Variants in TENM2 observed in about 807,000 individuals in gnomAD.
TENM2 encodes teneurin transmembrane protein 2.
TENM2 carries 52 observed loss-of-function variants against 245.2 expected under a neutral mutation model. That is an observed-to-expected ratio of 0.21 (90% CI 0.17 to 0.27). The LOEUF (loss-of-function observed/expected upper bound fraction) is 0.27, where lower values mean the gene tolerates loss of function less well. Ranked by LOEUF, TENM2 falls within the 10% of genes least tolerant of loss-of-function variation. TENM2 has a pLI of 1.00. For missense variants in TENM2, 3,046 were observed against 3,666.8 expected, an observed-to-expected ratio of 0.83 and a Z score of 4.37; for synonymous variants, 1,363 against 1,438.9, an observed-to-expected ratio of 0.95 and a Z score of 1.19.
intron 2 of TENM2, among the ~76,000 whole-genome samples, chr5:167,696,641 A>T (rs1561681423): frequency 6.6e-6 from 1 of 152,244 alleles, no homozygotes. Context: ...ATTATGAGGC[A>T]TTCTTTGAAA....
intron 21 of TENM2, among the ~76,000 whole-genome samples, chr5:168,215,650 C>T (rs1763126427): frequency 6.6e-6 from 1 of 152,230 alleles, no homozygotes; most frequent in African/African-American, 2.4e-5. Flanking sequence ...GCCTGGGCAA[C>T]AGAGCGAGAC....
chr5:168,218,272 A>T lies in TENM2; in HGVS notation c.4381A>T (p.Ile1461Phe), dbSNP rs775691530. ...CCCCATGCACTGCCAAGTTCCTGGC[A>T]TTGACTACTCACTCAGCAAACTAGC... The change falls in exon 23 of 29, where the codon ATT (isoleucine) becomes TTT (phenylalanine). Residue 1461 changes from isoleucine to phenylalanine, a missense_variant. By Grantham distance (21) the Ile-to-Phe change is conservative (BLOSUM62 0). Transcript: ENST00000518659. This position sits in a 1 kb window ranked among gnomAD's most constrained non-coding sequence, Gnocchi z 5.2. 1.2e-6 allele frequency: 2 copies of T among 1,613,596 alleles called. No homozygotes were observed. The highest frequency in any genetic ancestry group is 1.7e-6 in the Non-Finnish European group (2 of 1,179,830).
chr5:167,152,996 C>G, the TENM2 span, among the ~76,000 whole-genome samples: 1 of 152,046 alleles, frequency 6.6e-6, no homozygotes, highest in South Asian at 2.1e-4. Flanking sequence ...GTCCTGGTTA[C>G]TGGAGATTAG....
At chr5:168,176,528 C>A (rs1012551424) in intron 13 of TENM2, among the ~76,000 whole-genome samples, 2 of 152,162 alleles carry the variant, frequency 1.3e-5, no homozygotes, top group African/African-American at 2.4e-5. Context: ...TTAGAGAAGC[C>A]CTCCCTGCCC....
At chr5:167,917,709 C>A (rs1777055149) in intron 3 of TENM2, among the ~76,000 whole-genome samples, 1 of 152,144 alleles carries the variant, frequency 6.6e-6, no homozygotes, top group Non-Finnish European at 1.5e-5. Context: ...CCTACAAGTT[C>A]ATAGTTGAGT....
At chr5:167,876,558 G>A (rs1561886806) in intron 3 of TENM2, among the ~76,000 whole-genome samples, 1 of 152,058 alleles carries the variant, frequency 6.6e-6, no homozygotes, top group African/African-American at 2.4e-5. Context: ...ACCCTCACAG[G>A]CCCAATTTGT....
chr5:167,434,410 C>G (rs1478991432), intron 2 of TENM2, among the ~76,000 whole-genome samples: 2 of 27,210 alleles, frequency 7.4e-5, no homozygotes, highest in Non-Finnish European at 1.2e-4. Context: ...AAGACTCTAT[C>G]TCAAAAAAAA....
chr5:168,150,933 C>T (rs1312284815), intron 12 of TENM2, among the ~76,000 whole-genome samples: 1 of 152,182 alleles, frequency 6.6e-6, no homozygotes, highest in Non-Finnish European at 1.5e-5. Flanking sequence ...TTCATACCAT[C>T]CTTGAAGTGG....
chr5:168,216,935 C>T lies in TENM2; in HGVS notation c.4233+13C>T. ...GGATGTAGCCCAGGTGAGACTCTTT[C>T]TTATTTCTCTTCACTAAGCAACACC... On this transcript the variant is annotated intron_variant, in intron 22 of 28. Transcript: ENST00000518659. The T allele has an allele frequency of 6.2e-7, 1 of 1,613,100 alleles. No homozygotes were observed. The highest frequency in any genetic ancestry group is 2.2e-5 in the East Asian group (1 of 44,870).
chr5:167,262,761 C>A, the TENM2 span, among the ~76,000 whole-genome samples: 4 of 152,250 alleles, frequency 2.6e-5, no homozygotes, highest in South Asian at 8.3e-4. Flanking sequence ...ACTTCTGTTA[C>A]AATCTAGTTA....
chr5:168,114,778 C>T (rs1794930530), intron 9 of TENM2, among the ~76,000 whole-genome samples: 1 of 152,178 alleles, frequency 6.6e-6, no homozygotes, highest in African/African-American at 2.4e-5. Context: ...ACCACACTCC[C>T]AGTGAGCACG....
chr5:167,509,010 G>T (rs1231432930), intron 2 of TENM2, among the ~76,000 whole-genome samples: 2 of 152,094 alleles, frequency 1.3e-5, no homozygotes, highest in African/African-American at 2.4e-5. Context: ...TAGACACAGG[G>T]TTTCACCATG....
chr5:167,573,413 TAAAAAC>T (rs1401274878), intron 2 of TENM2, among the ~76,000 whole-genome samples: 1 of 152,086 alleles, frequency 6.6e-6, no homozygotes, highest in Non-Finnish European at 1.5e-5. Context: ...CTCGCTGAGA[TAAAAAC>T]AGAAGCTGCC....
At chr5:168,202,848 A>C (rs1318443131) in intron 17 of TENM2, among the ~76,000 whole-genome samples, 1 of 152,176 alleles carries the variant, frequency 6.6e-6, no homozygotes, top group Non-Finnish European at 1.5e-5. Flanking sequence ...CAATAATAGC[A>C]ATGCCTCATA....
At chr5:167,336,587 C>T (rs1427141421) in intron 1 of TENM2, among the ~76,000 whole-genome samples, 3 of 152,064 alleles carry the variant, frequency 2.0e-5, no homozygotes, top group South Asian at 2.1e-4. Flanking sequence ...GCTCCTTATA[C>T]TCTTTCTAAT....
At chr5:167,182,106 A>G in the TENM2 span, among the ~76,000 whole-genome samples, 1 of 152,220 alleles carries the variant, frequency 6.6e-6, no homozygotes, top group Non-Finnish European at 1.5e-5. Flanking sequence ...TTAAAATTTA[A>G]ATACGTAGTA....
At chr5:167,445,370 G>GA (rs869154852) in intron 2 of TENM2, among the ~76,000 whole-genome samples, 1 of 119,670 alleles carries the variant, frequency 8.4e-6, no homozygotes, top group Non-Finnish European at 1.7e-5. Flanking sequence ...GAGAGAGAGA[G>GA]TGTCAGGTGT....
At chr5:167,821,606 A>T (rs1320387355) in intron 2 of TENM2, among the ~76,000 whole-genome samples, 2 of 152,204 alleles carry the variant, frequency 1.3e-5, no homozygotes, top group Admixed American at 1.3e-4. Flanking sequence ...GGAAAAGAGT[A>T]TATATTTTCC....
chr5:167,260,664 G>A, the TENM2 span, among the ~76,000 whole-genome samples: 1 of 152,174 alleles, frequency 6.6e-6, no homozygotes, highest in Non-Finnish European at 1.5e-5. Flanking sequence ...AGGCACTGTG[G>A]AAGACAGGAA....
Sources: allele counts gnomAD v4.1 joint callset (sites outside exome capture counted in the v4.1 genomes callset), GRCh38; gene constraint gnomAD v4.1.1; non-coding constraint Gnocchi (gnomAD v3.1); transcripts MANE v1.5; gene names NCBI Gene and HGNC (gene_info 2026-07-23, HGNC 2026-07-21).